The following PIK3CG variants were observed in gnomAD, a reference collection of about 807,000 sequenced individuals.
PIK3CG encodes phosphatidylinositol-4,5-bisphosphate 3-kinase catalytic subunit gamma.
Under a neutral mutation model 102.3 loss-of-function variants are expected in PIK3CG, and 55 were observed. That is an observed-to-expected ratio of 0.54 (90% CI 0.43 to 0.67). PIK3CG has a LOEUF of 0.67. Ranked by LOEUF, PIK3CG falls within the 30% of genes least tolerant of loss-of-function variation. The pLI is 0.00. For missense variants in PIK3CG, 1,258 were observed against 1,391.8 expected (o/e 0.90, Z 1.53); for synonymous variants, 552 against 540.0 (o/e 1.02, Z -0.31).
At chr7:106,886,866 A>G (rs1402008031) in intron 10 of PIK3CG, among the ~76,000 whole-genome samples, 3 of 152,148 alleles carry the variant, frequency 2.0e-5, no homozygotes, top group Non-Finnish European at 2.9e-5. Flanking sequence ...ACAAGCTCCT[A>G]CATGAGTCTG....
At position 106,880,171 on chromosome 7, in the gene PIK3CG, G is replaced by C. The variant is rs1459799782; in HGVS notation, c.2538+506G>C. Among the ~76,000 whole-genome samples the C allele has an allele frequency of 6.6e-6, 1 of 152,184 alleles. No homozygotes were observed. The highest frequency in any genetic ancestry group is 1.5e-5 in the Non-Finnish European group (1 of 68,020). ...GAGTGAAGTACTGTTAGGGCAGAAG[G>C]TGAATGGTCAATATATCAGTGCTAA... On this transcript the variant is annotated intron_variant, in intron 6 of 10. Transcript: ENST00000496166. This position sits in a 1 kb window ranked among gnomAD's most constrained non-coding sequence, Gnocchi z 4.2.
chr7:106,903,481 T>G lies in PIK3CG; in HGVS notation c.3031-1628T>G, dbSNP rs921047362. Among the ~76,000 whole-genome samples, 4 of 151,820 alleles carry G rather than the reference T, an allele frequency of 2.6e-5. No individual in the cohort carries two copies. The highest frequency in any genetic ancestry group is 4.4e-5 in the Non-Finnish European group (3 of 67,940). ...TTATAATTTTTTAAGAGTATAAAAA[T>G]TATAAATTATAAAAATTATAAAAGC... On this transcript the variant is annotated intron_variant, in intron 10 of 10. Coordinates refer to ENST00000496166, the MANE Select transcript of PIK3CG (RefSeq NM_001282426.2). The surrounding 1 kb of genome is among the most constrained non-coding windows in gnomAD (Gnocchi z 4.3).
In PIK3CG at chr7:106,880,688, A is replaced by T. The variant is rs957936655; in HGVS notation, c.2538+1023A>T. Among the ~76,000 whole-genome samples, 2 of 151,520 alleles carry T rather than the reference A, an allele frequency of 1.3e-5. No homozygotes were observed. The highest frequency in any genetic ancestry group is 3.4e-3 in the Middle Eastern group (1 of 294). On this transcript the variant is annotated intron_variant, in intron 6 of 10. Coordinates refer to ENST00000496166, the MANE Select transcript of PIK3CG (RefSeq NM_001282426.2). This position sits in a 1 kb window ranked among gnomAD's most constrained non-coding sequence, Gnocchi z 4.2. ...GTACTTTGTGGTTTTGTTTTTTTTT[A>T]ATTTTTTTAAGATGAGGCCTTGCTT...
intron 4 of PIK3CG, among the ~76,000 whole-genome samples, chr7:106,873,422 C>T (rs111385845): frequency 1.3e-5 from 2 of 152,078 alleles, no homozygotes; most frequent in Admixed American, 6.6e-5. Flanking sequence ...TAAATTCAAC[C>T]AAGCATGGAT....
rs771155289 is a variant in PIK3CG at position 106,886,240 on chromosome 7, T to G, written c.2978T>G (p.Phe993Cys). The change falls in exon 10 of 11, where the codon TTT (phenylalanine) becomes TGT (cysteine). Residue 993 changes from phenylalanine to cysteine, a missense_variant. Transcript: ENST00000496166. ...VPFVLTPDFL[F>C]VMGTSGKKTS... ...TTTGTGCTAACCCCTGACTTCCTCT[T>G]TGTGATGGGAACTTCTGGAAAGAAG... is the stretch of plus-strand genomic sequence containing the variant. The G allele has an allele frequency of 1.9e-6, 3 of 1,614,218 alleles. No homozygotes were observed. Among genetic ancestry groups the G allele is most frequent in the Admixed American group, 3.3e-5 (2 of 60,028 alleles).
rs1260857019 is a variant in PIK3CG, at chr7:106,890,382, C to T, written c.3030+4090C>T. On this transcript the variant is annotated intron_variant, in intron 10 of 10. Coordinates refer to ENST00000496166, the MANE Select transcript of PIK3CG (RefSeq NM_001282426.2). This position sits in a 1 kb window ranked among gnomAD's most constrained non-coding sequence, Gnocchi z 4.2. Reference sequence around the variant, plus strand: ...ATTTTTAGTAGAGACGGGGTTTCACCGTGTTAACCAGGATGGTCTCAATCT... The same window carrying T: ...ATTTTTAGTAGAGACGGGGTTTCACTGTGTTAACCAGGATGGTCTCAATCT... Among the ~76,000 whole-genome samples the T allele has an allele frequency of 2.0e-5, 3 of 152,160 alleles. No homozygotes were observed. The highest frequency in any genetic ancestry group is 7.2e-5 in the African/African-American group (3 of 41,440).
rs1317340191 is a variant in PIK3CG at position 106,907,877 on chromosome 7, TC to T, written c.*2492del. Among the ~76,000 whole-genome samples the T allele has an allele frequency of 1.4e-5, 2 of 146,056 alleles. No homozygotes were observed. Among genetic ancestry groups the T allele is most frequent in the Admixed American group, 1.4e-4 (2 of 14,236 alleles). On this transcript the variant is annotated 3_prime_UTR_variant, in exon 11 of 11. Coordinates refer to ENST00000496166, the MANE Select transcript of PIK3CG (RefSeq NM_001282426.2). ...ATATATCACAGTTGGGCTTGATTCT[TC>T]CGTATTCCAAAGAGCATAATTTCAG...
In PIK3CG at chr7:106,890,060, T is replaced by C. The variant is rs1026920020; in HGVS notation, c.3030+3768T>C. ...CATTGGTAATTTATTCTAGACCATG[T>C]TATTTTAAATTTCACTGAACAGTTA... On this transcript the variant is annotated intron_variant, in intron 10 of 10. Coordinates refer to ENST00000496166, the MANE Select transcript of PIK3CG (RefSeq NM_001282426.2). This position sits in a 1 kb window ranked among gnomAD's most constrained non-coding sequence, Gnocchi z 4.2. 2.0e-5 allele frequency among the ~76,000 whole-genome samples: 3 copies of C among 152,260 alleles called. No individual in the cohort carries two copies. Among genetic ancestry groups the C allele is most frequent in the Non-Finnish European group, 2.9e-5 (2 of 68,042 alleles).
intron 10 of PIK3CG, among the ~76,000 whole-genome samples, chr7:106,887,244 T>G (rs1791125684): frequency 6.6e-6 from 1 of 152,238 alleles, no homozygotes; most frequent in Non-Finnish European, 1.5e-5. Flanking sequence ...ACTACTGTAA[T>G]ATACCTATGT....
chr7:106,891,855 C>T lies in PIK3CG; in HGVS notation c.3030+5563C>T, dbSNP rs1215371490. 6.6e-5 allele frequency among the ~76,000 whole-genome samples: 10 copies of T among 151,872 alleles called. No individual in the cohort carries two copies. The highest frequency in any genetic ancestry group is 1.2e-4 in the African/African-American group (5 of 41,330). On this transcript the variant is annotated intron_variant, in intron 10 of 10. Transcript: ENST00000496166. This position sits in a 1 kb window ranked among gnomAD's most constrained non-coding sequence, Gnocchi z 4.4. The stretch of plus-strand genomic sequence containing the variant: ...ATCAGGCCCACCCTGTTTCCAGTTC[C>T]GCAGTCTTATCCCCATGCCAGCGTA...
chr7:106,881,723 G>A (rs767255079), intron 6 of PIK3CG, among the ~76,000 whole-genome samples: 9 of 152,006 alleles, frequency 5.9e-5, no homozygotes, highest in Non-Finnish European at 1.0e-4. Flanking sequence ...CATGATGCGC[G>A]CCTCTAATCC....
rs535009833 is a variant in PIK3CG at position 106,903,024 on chromosome 7, T to C, written c.3031-2085T>C. On this transcript the variant is annotated intron_variant, in intron 10 of 10. Transcript: ENST00000496166. The surrounding 1 kb of genome is among the most constrained non-coding windows in gnomAD (Gnocchi z 4.3). ...TTTTCTCCCCCAAATGATGAGCCAC[T>C]TGTCCTGGTCCCATTTATCAAATAA... Among the ~76,000 whole-genome samples, 17 of 152,270 alleles carry C rather than the reference T, an allele frequency of 1.1e-4. No homozygotes were observed. Among genetic ancestry groups the C allele is most frequent in the African/African-American group, 4.1e-4 (17 of 41,574 alleles).
At chr7:106,885,279 C>T (rs1324809264) in intron 9 of PIK3CG, among the ~76,000 whole-genome samples, 1 of 152,086 alleles carries the variant, frequency 6.6e-6, no homozygotes, top group East Asian at 1.9e-4. Flanking sequence ...AGGAGAGGGT[C>T]ATATCCCAGA....
chr7:106,881,922 A>T (rs956218422), intron 6 of PIK3CG, among the ~76,000 whole-genome samples, 195 bp from the exon 7 acceptor site: 3 of 152,180 alleles, frequency 2.0e-5, no homozygotes, highest in African/African-American at 7.2e-5. Context: ...TTCGGAAAAC[A>T]AAATTAACAA....
intron 10 of PIK3CG, among the ~76,000 whole-genome samples, chr7:106,888,177 G>A (rs1303059974): frequency 6.6e-6 from 1 of 151,942 alleles, no homozygotes; most frequent in Non-Finnish European, 1.5e-5. Context: ...TCGACCTTGT[G>A]ATCCGCCTGC....
Position 106,868,669 on chromosome 7 carries a change from AT to A in PIK3CG, c.1109del (p.Ile370ThrfsTer14). 1.2e-6 allele frequency: 2 copies of A among 1,614,210 alleles called. No individual in the cohort carries two copies. Among genetic ancestry groups the A allele is most frequent in the Non-Finnish European group, 1.7e-6 (2 of 1,180,046 alleles). Reference sequence around the variant, plus strand: ...CAGGGTCAAGATCAGAGGCATTGATATCCCCGTCCTGCCTCGGAACACCGAC... The same window carrying A: ...CAGGGTCAAGATCAGAGGCATTGATACCCCGTCCTGCCTCGGAACACCGAC... ...KFRVKIRGIDIPVLPRNTDLT... is the reference protein window; with the variant it reads ...KFRVKIRGIDXPVLPRNTDLT... On this transcript the variant is annotated frameshift_variant, in exon 2 of 11. Coordinates refer to ENST00000496166, the MANE Select transcript of PIK3CG (RefSeq NM_001282426.2). LOFTEE classifies it high-confidence loss of function. This position sits in a 1 kb window ranked among gnomAD's most constrained non-coding sequence, Gnocchi z 6.2.
At position 106,903,902 on chromosome 7, in the gene PIK3CG, A is replaced by AC. The variant is rs2116613967; in HGVS notation, c.3031-1206dup. 6.6e-6 allele frequency among the ~76,000 whole-genome samples: 1 copy of AC among 151,882 alleles called. No homozygotes were observed. Among genetic ancestry groups the AC allele is most frequent in the Admixed American group, 6.6e-5 (1 of 15,246 alleles). ...GCCTCCTGAGTAACTGGGATTACAG[A>AC]CACATGCCACCACACCCAGCTAATT... On this transcript the variant is annotated intron_variant, in intron 10 of 10. Coordinates refer to ENST00000496166, the MANE Select transcript of PIK3CG (RefSeq NM_001282426.2). The surrounding 1 kb of genome is among the most constrained non-coding windows in gnomAD (Gnocchi z 4.3).
In PIK3CG at chr7:106,883,396, T is replaced by C. The variant is rs1790999750; in HGVS notation, c.2760+233T>C. On this transcript the variant is annotated intron_variant, in intron 8 of 10. Transcript: ENST00000496166. The surrounding 1 kb of genome is among the most constrained non-coding windows in gnomAD (Gnocchi z 5.8). ...CCATGAGCATTTGCTTCTCTTTTGATTATCAGGCATACTTTGCTTAAAATT... is the reference window on the plus strand; with the variant it reads ...CCATGAGCATTTGCTTCTCTTTTGACTATCAGGCATACTTTGCTTAAAATT... Among the ~76,000 whole-genome samples the C allele has an allele frequency of 1.3e-5, 2 of 152,236 alleles. No individual in the cohort carries two copies. Among genetic ancestry groups the C allele is most frequent in the South Asian group, 4.1e-4 (2 of 4,838 alleles).
Position 106,906,382 on chromosome 7 carries a change from T to G in PIK3CG, c.*995T>G, listed in dbSNP as rs1791684693. 1 of 230,188 alleles carries G rather than the reference T, an allele frequency of 4.3e-6. No homozygotes were observed. Among genetic ancestry groups the G allele is most frequent in the East Asian group, 6.3e-5 (1 of 16,000 alleles). 14.3% of individuals were successfully genotyped at this position (230,188 alleles called of 1,614,324 possible). A position where few individuals can be genotyped will look rare whatever the true frequency, so the allele number is the denominator to read the frequency against. On this transcript the variant is annotated 3_prime_UTR_variant, in exon 11 of 11. Transcript: ENST00000496166. ...TTCAAGTATCTTATTAAAGGAGGCA[T>G]TCTAGAAAATATGAATTAGTTTCCA...
Sources: allele counts gnomAD v4.1 joint callset (sites outside exome capture counted in the v4.1 genomes callset), GRCh38; gene constraint gnomAD v4.1.1; non-coding constraint Gnocchi (gnomAD v3.1); transcripts MANE v1.5; gene names NCBI Gene and HGNC (gene_info 2026-07-23, HGNC 2026-07-21).